SLK: variants seen among roughly 807,000 people sequenced by gnomAD.
SLK encodes STE20 like kinase.
A neutral mutation model predicts 147.7 loss-of-function variants in SLK; 67 were observed. The ratio of observed to expected loss-of-function variants is 0.45; its 90% CI spans 0.37 to 0.56. The LOEUF (loss-of-function observed/expected upper bound fraction) is 0.56, where lower values mean the gene tolerates loss of function less well. Among genes scored for constraint, SLK ranks in the 20% least tolerant of loss-of-function variants. The pLI, the probability that SLK is intolerant of heterozygous loss-of-function variation, is 0.00. For missense variants in SLK, 1,136 were observed against 1,438.8 expected (o/e 0.79, Z 3.41); for synonymous variants, 441 against 475.0 (o/e 0.93, Z 0.93).
chr10:103,990,196 G>A (rs190625368), intron 1 of SLK, among the ~76,000 whole-genome samples: 1 of 152,314 alleles, frequency 6.6e-6, no homozygotes, highest in East Asian at 1.9e-4. Flanking sequence ...AGGAGGGGAT[G>A]AGTAGGCAGA....
chr10:103,998,993 T>C, intron 5 of SLK, 22 bp downstream of exon 5: 2 of 1,570,838 alleles, frequency 1.3e-6, no homozygotes, highest in Non-Finnish European at 1.8e-6. Flanking sequence ...GTTTTATGAA[T>C]TTATAGTATT....
chr10:103,983,282 A>G (rs1843970040), intron 1 of SLK, among the ~76,000 whole-genome samples: 1 of 152,198 alleles, frequency 6.6e-6, no homozygotes, highest in African/African-American at 2.4e-5. Flanking sequence ...AAAACAGATA[A>G]CAGTATGAAC....
At chr10:104,020,467 A>C (rs995028663) in intron 16 of SLK, 21 bp from the exon 17 acceptor site, 27 of 1,602,074 alleles carry the variant, frequency 1.7e-5, no homozygotes, top group Non-Finnish European at 2.3e-5. Context: ...ACTATAGTTT[A>C]TCTTTTTTTC....
At chr10:103,976,001 C>G (rs1020346969) in intron 1 of SLK, among the ~76,000 whole-genome samples, 1 of 152,110 alleles carries the variant, frequency 6.6e-6, no homozygotes, top group Non-Finnish European at 1.5e-5. Context: ...TCCCCAGGCT[C>G]AGGTGATCCT....
In SLK at chr10:104,019,711, G is replaced by A. The variant is rs375743689; in HGVS notation, c.3133-23G>A. ...ACTGACTATTGTTTCTGCGTCACTG[G>A]ATTCTATTTAAAACTTTCATAGGAA... On this transcript the variant is annotated intron_variant, in intron 15 of 18. Coordinates refer to ENST00000369755, the MANE Select transcript of SLK (RefSeq NM_014720.4). 8 of 1,578,794 alleles carry A rather than the reference G, an allele frequency of 5.1e-6. No individual in the cohort carries two copies. The East Asian group carries it at 1.3e-4, about 27-fold the overall frequency.
chr10:104,025,543 A>C (rs1332439996), intron 18 of SLK, 31 bp from the exon 19 acceptor site: 1 of 1,607,684 alleles, frequency 6.2e-7, no homozygotes, highest in East Asian at 2.2e-5. Flanking sequence ...ATACCAGCAC[A>C]TAGCAATTTC....
chr10:104,013,965 CTG>C (rs758314382), intron 13 of SLK, among the ~76,000 whole-genome samples: 1 of 152,188 alleles, frequency 6.6e-6, no homozygotes, highest in Non-Finnish European at 1.5e-5. Context: ...GCACAGAAGA[CTG>C]TGATCTGCCT....
intron 1 of SLK, among the ~76,000 whole-genome samples, chr10:103,971,119 A>G (rs1386080507): frequency 6.6e-6 from 1 of 152,208 alleles, no homozygotes; most frequent in Non-Finnish European, 1.5e-5. Flanking sequence ...CACTGTACAC[A>G]TTTAACAGTT....
chr10:103,975,964 A>T (rs763538704), intron 1 of SLK, among the ~76,000 whole-genome samples: 3 of 152,034 alleles, frequency 2.0e-5, no homozygotes, highest in Non-Finnish European at 4.4e-5. Flanking sequence ...TCTGTCATCC[A>T]GGCCGGAGTG....
chr10:103,993,161 A>G, intron 4 of SLK, 28 bp downstream of exon 4: 2 of 1,527,578 alleles, frequency 1.3e-6, no homozygotes, highest in Non-Finnish European at 1.8e-6. Context: ...ATAAAACATT[A>G]GAATTTTTAC....
Position 104,008,504 on chromosome 10 carries a change from T to C in SLK, c.2784+148T>C, listed in dbSNP as rs980821065. 18 of 617,100 alleles carry C rather than the reference T, an allele frequency of 2.9e-5. No individual in the cohort carries two copies. The Admixed American group carries it at 4.9e-4, about 17-fold the overall frequency. 38.2% of individuals were successfully genotyped at this position (617,100 alleles called of 1,614,324 possible). A position where few individuals can be genotyped will look rare whatever the true frequency, so the allele number is the denominator to read the frequency against. On this transcript the variant is annotated intron_variant, in intron 12 of 18. Transcript: ENST00000369755. ...TCATTCGGTCTTCTCAACAGTCATATAGAGTTGTCATAAGGTCAATCATTA... is the reference window on the plus strand; with the variant it reads ...TCATTCGGTCTTCTCAACAGTCATACAGAGTTGTCATAAGGTCAATCATTA...
At chr10:104,021,238 A>C (rs937540295) in intron 17 of SLK, among the ~76,000 whole-genome samples, 2 of 152,228 alleles carry the variant, frequency 1.3e-5, no homozygotes, top group Non-Finnish European at 2.9e-5. Context: ...GGGCCAATAG[A>C]TCTTTTACAG....
At chr10:103,988,150 A>T (rs1353742626) in intron 1 of SLK, among the ~76,000 whole-genome samples, 1 of 152,202 alleles carries the variant, frequency 6.6e-6, no homozygotes, top group African/African-American at 2.4e-5. Flanking sequence ...GTTTGTACAC[A>T]ATTCTCTTGA....
intron 9 of SLK, among the ~76,000 whole-genome samples, chr10:104,003,961 GAAAAC>G (rs1269357659): frequency 2.6e-5 from 4 of 152,164 alleles, no homozygotes; most frequent in Admixed American, 2.0e-4. Context: ...CCATTGTGGG[GAAAAC>G]AAAACAAACA....
intron 13 of SLK, among the ~76,000 whole-genome samples, chr10:104,015,246 C>G (rs1468778347): frequency 6.6e-6 from 1 of 152,194 alleles, no homozygotes; most frequent in Non-Finnish European, 1.5e-5. Flanking sequence ...ATTGTTAGGA[C>G]TTGTATACAC....
In SLK at chr10:103,999,811, G is replaced by A. The variant is rs540938333; in HGVS notation, c.783-56G>A. 8.1e-6 allele frequency: 6 copies of A among 737,530 alleles called. No individual in the cohort carries two copies. In the South Asian group the frequency reaches 8.9e-5, roughly 11 times the overall value. 45.7% of individuals were successfully genotyped at this position (737,530 alleles called of 1,614,324 possible). ...TAAGCATAACTTATCAAAGAGTTTT[G>A]TTTAATTTGATTAACAAGAAAGTAA... On this transcript the variant is annotated intron_variant, in intron 6 of 18. Coordinates refer to ENST00000369755, the MANE Select transcript of SLK (RefSeq NM_014720.4).
intron 17 of SLK, among the ~76,000 whole-genome samples, 155 bp from the exon 18 acceptor site, chr10:104,021,465 C>G (rs958261363): frequency 6.6e-6 from 1 of 152,206 alleles, no homozygotes; most frequent in African/African-American, 2.4e-5. Flanking sequence ...TGATTCATTT[C>G]CTAATTCATG....
At chr10:104,023,600 C>T (rs968467891) in intron 18 of SLK, among the ~76,000 whole-genome samples, 6 of 152,120 alleles carry the variant, frequency 3.9e-5, no homozygotes, top group African/African-American at 4.8e-5. Context: ...GGGCAGTAAG[C>T]GCCCATTTTC....
chr10:103,992,971 T>A lies in SLK; in HGVS notation c.365-13T>A, dbSNP rs866383264. 1 of 1,597,822 alleles carries A rather than the reference T, an allele frequency of 6.3e-7. No homozygotes were observed. The highest frequency in any genetic ancestry group is 1.7e-4 in the Middle Eastern group (1 of 5,930). On this transcript the variant is annotated splice_polypyrimidine_tract_variant and intron_variant, in intron 3 of 18. Coordinates refer to ENST00000369755, the MANE Select transcript of SLK (RefSeq NM_014720.4). ...ATAAAAAGCAGATTTTTTTTTTTAC[T>A]TTCTCCTTATAGAACTTGAGAGACC...
Sources: gnomAD v4.1 joint callset for allele counts (sites outside exome capture counted in the v4.1 genomes callset) on GRCh38, gnomAD v4.1.1 for gene constraint, MANE v1.5 for transcripts, NCBI Gene and HGNC (gene_info 2026-07-23, HGNC 2026-07-21) for gene names.